Variants in WRAP73 observed in about 807,000 individuals in gnomAD.
WRAP73 encodes WD repeat-containing protein WRAP73.
WRAP73 carries 55 observed loss-of-function variants against 59.6 expected under a neutral mutation model. That is an observed-to-expected ratio of 0.92 (90% CI 0.74 to 1.15). The LOEUF (loss-of-function observed/expected upper bound fraction) is 1.15. Among genes scored for constraint, WRAP73 ranks in the 50% most tolerant of loss-of-function variants. WRAP73 has a pLI of 0.00. For synonymous variants in WRAP73, 265 were observed against 258.2 expected (o/e 1.03, Z -0.25); for missense variants, 592 against 608.1 (o/e 0.97, Z 0.28).
chr1:3,637,641 A>C (rs200812219), intron 4 of WRAP73, among the ~76,000 whole-genome samples: 3 of 152,300 alleles, frequency 2.0e-5, no homozygotes, highest in East Asian at 3.9e-4. Context: ...TAGGAATTTG[A>C]AAGGAGCCCA....
chr1:3,633,278 A>G (rs1570292719), intron 9 of WRAP73, 120 bp downstream of exon 9: 1 of 922,502 alleles, frequency 1.1e-6, no homozygotes. Context: ...CACTGGCTGG[A>G]AGCATGGAAG....
chr1:3,632,197 C>T lies in WRAP73; in HGVS notation c.1048+16G>A, dbSNP rs767515035. On this transcript the variant is annotated intron_variant, in intron 10 of 11. Transcript: ENST00000270708. ...ACAGTAAAGGGTGAGACAGCACCTG[C>T]GTCAGCACAACTGACCGTTCCTTGT... The T allele has an allele frequency of 6.2e-6, 10 of 1,607,022 alleles. No individual in the cohort carries two copies. The highest frequency in any genetic ancestry group is 2.2e-5 in the South Asian group (2 of 89,934).
At chr1:3,635,515 G>A in intron 6 of WRAP73, 1 of 620,816 alleles carries the variant, frequency 1.6e-6, no homozygotes, top group Non-Finnish European at 2.7e-6. Context: ...TCAACCTAAT[G>A]GCTCGCTGAT....
rs74048693 is a variant in WRAP73 at position 3,637,117 on chromosome 1, G to C, written c.413-19C>G. 7.4e-4 allele frequency: 1,178 copies of C among 1,589,972 alleles called. 11 individuals carry two copies. The African/African-American group carries it at 0.014, about 19-fold the overall frequency. On this transcript the variant is annotated intron_variant, in intron 4 of 11. Coordinates refer to ENST00000270708, the MANE Select transcript of WRAP73 (RefSeq NM_017818.4). ...GTGATTCCTGTGGGAAGAGGCAAAT[G>C]CACTGAAATCAAGCGGCCACAAAAT...
intron 11 of WRAP73, 131 bp from the exon 12 acceptor site, chr1:3,631,248 C>T: frequency 6.8e-7 from 1 of 1,465,372 alleles, no homozygotes; most frequent in Non-Finnish European, 9.3e-7. Flanking sequence ...GGTGGAGCCC[C>T]AGAGCTGCCT....
chr1:3,635,941 T>A lies in WRAP73; in HGVS notation c.603+3A>T, dbSNP rs1241941912. 1 of 1,613,434 alleles carries A rather than the reference T, an allele frequency of 6.2e-7. No individual in the cohort carries two copies. Among genetic ancestry groups the A allele is most frequent in the Non-Finnish European group, 8.5e-7 (1 of 1,179,658 alleles). ...CAAACATGTCACCTGGTCATCTTCATACCTCCAAGCAGGTGTCCCACACTG... is the reference window on the plus strand; with the variant it reads ...CAAACATGTCACCTGGTCATCTTCAAACCTCCAAGCAGGTGTCCCACACTG... On this transcript the variant is annotated splice_donor_region_variant and intron_variant, in intron 6 of 11. Coordinates refer to ENST00000270708, the MANE Select transcript of WRAP73 (RefSeq NM_017818.4).
Position 3,639,133 on chromosome 1 carries a change from C to A in WRAP73, c.340-311G>T. The A allele has an allele frequency of 3.2e-6, 1 of 313,472 alleles. No homozygotes were observed. Among genetic ancestry groups the A allele is most frequent in the South Asian group, 4.0e-5 (1 of 25,238 alleles). The allele number at this position is 313,472 out of a possible 1,614,324, so 19.4% of individuals were successfully genotyped here. A position where few individuals can be genotyped will look rare whatever the true frequency, so the allele number is the denominator to read the frequency against. ...CCATAGGTTGCATGTTATAATAACC[C>A]TGAGTTACTCAGAGAAAAATCTTGA... On this transcript the variant is annotated intron_variant, in intron 3 of 11. Coordinates refer to ENST00000270708, the MANE Select transcript of WRAP73 (RefSeq NM_017818.4). This position sits in a 1 kb window ranked among gnomAD's most constrained non-coding sequence, Gnocchi z 4.3.
chr1:3,632,270 T>A lies in WRAP73; in HGVS notation c.991A>T (p.Ile331Phe). ...KPVTDRANPK[I>F]GIGMLAFSPD... ...CTAAATGCCAGCATTCCTATGCCGA[T>A]TTTCGGGTTTGCTCTGTCGGTAACA... The change falls in exon 10 of 12, where the codon ATC becomes TTC. Residue 331 changes from isoleucine to phenylalanine, a missense_variant. Physicochemically the swap from Ile to Phe is conservative, Grantham distance 21 (BLOSUM62 0). Coordinates refer to ENST00000270708, the MANE Select transcript of WRAP73 (RefSeq NM_017818.4). 6.2e-7 allele frequency: 1 copy of A among 1,614,122 alleles called. No homozygotes were observed. The highest frequency in any genetic ancestry group is 8.5e-7 in the Non-Finnish European group (1 of 1,180,002).
In WRAP73 at chr1:3,650,030, G is replaced by A; in HGVS notation, c.-31C>T. ...CCGCCTGCCGCGGGCGCCACCCTGC[G>A]CCCGAAAACCCGCGGGACCCCTGGG... On this transcript the variant is annotated 5_prime_UTR_variant, in exon 1 of 12. Transcript: ENST00000270708. The A allele has an allele frequency of 6.4e-7, 1 of 1,573,676 alleles. No individual in the cohort carries two copies. Among genetic ancestry groups the A allele is most frequent in the Non-Finnish European group, 8.6e-7 (1 of 1,162,842 alleles).
At chr1:3,634,950 C>T in intron 8 of WRAP73, 47 bp downstream of exon 8, 1 of 1,603,868 alleles carries the variant, frequency 6.2e-7, no homozygotes. Context: ...TTTCCCACCG[C>T]CCTCCCCAAC....
intron 10 of WRAP73, 52 bp from the exon 11 acceptor site, chr1:3,631,709 G>A (rs780078548): frequency 2.9e-5 from 45 of 1,548,834 alleles, no homozygotes; most frequent in Non-Finnish European, 3.7e-5. Flanking sequence ...GCTCCTCTGT[G>A]TTGGCCCTGC....
chr1:3,632,751 A>G (rs568608635), intron 9 of WRAP73: 2 of 280,328 alleles, frequency 7.1e-6, no homozygotes, highest in East Asian at 1.1e-4. Flanking sequence ...AAGAACCATC[A>G]TCACAGCAGA....
chr1:3,638,088 C>T (rs75863907), intron 4 of WRAP73, among the ~76,000 whole-genome samples: 5,280 of 152,264 alleles, frequency 0.035, 301 homozygotes, highest in African/African-American at 0.12. Flanking sequence ...ATTTCCAAAC[C>T]GCTGGCAGCA....
At chr1:3,649,858 G>T in intron 1 of WRAP73, 73 bp downstream of exon 1, 1 of 1,505,218 alleles carries the variant, frequency 6.6e-7, no homozygotes, top group Non-Finnish European at 8.9e-7. Context: ...CCACGCGGCC[G>T]CCCCCGGCCC....
intron 11 of WRAP73, 83 bp downstream of exon 11, chr1:3,631,383 C>G: frequency 6.7e-7 from 1 of 1,491,464 alleles, no homozygotes; most frequent in Non-Finnish European, 9.1e-7. Context: ...GAGACAGCAG[C>G]TGGGCTTCAA....
chr1:3,632,016 C>G (rs1312153567), intron 10 of WRAP73, 197 bp downstream of exon 10: 5 of 1,462,276 alleles, frequency 3.4e-6, no homozygotes, highest in Admixed American at 2.6e-5. Flanking sequence ...CTGACTCATG[C>G]GCGGACCTGC....
Position 3,635,298 on chromosome 1 carries a change from C to T in WRAP73, c.604-4G>A, listed in dbSNP as rs1257430208. 1.2e-6 allele frequency: 2 copies of T among 1,613,584 alleles called. No homozygotes were observed. The highest frequency in any genetic ancestry group is 1.7e-6 in the Non-Finnish European group (2 of 1,179,960). On this transcript the variant is annotated splice_region_variant and splice_polypyrimidine_tract_variant and intron_variant, in intron 6 of 11. Coordinates refer to ENST00000270708, the MANE Select transcript of WRAP73 (RefSeq NM_017818.4). ...ATGAGTACAGCAGAATCTTGTACTG[C>T]AGATGAGACATTTCAGTTAATAATG...
Position 3,646,773 on chromosome 1 carries a change from A to G in WRAP73, c.232T>C (p.Leu78=). The change falls in exon 3 of 12, where the codon TTA becomes CTA. Residue 78 remains leucine, a synonymous_variant. Transcript: ENST00000270708. The surrounding 1 kb of genome is among the most constrained non-coding windows in gnomAD (Gnocchi z 5.1). ...YKRGLVQVWS[L]EQPEWHCKID... is the part of the protein sequence containing the mutation. ...TTGCAGTGCCATTCGGGCTGCTCTAAAGACCAGACCTGGATTGAGAGAAGA... is the reference window on the plus strand; with the variant it reads ...TTGCAGTGCCATTCGGGCTGCTCTAGAGACCAGACCTGGATTGAGAGAAGA... 6.2e-7 allele frequency: 1 copy of G among 1,612,352 alleles called. No homozygotes were observed. The highest frequency in any genetic ancestry group is 8.5e-7 in the Non-Finnish European group (1 of 1,179,278).
chr1:3,633,338 G>A (rs983798419), intron 9 of WRAP73, 60 bp downstream of exon 9: 6 of 1,477,046 alleles, frequency 4.1e-6, no homozygotes, highest in Non-Finnish European at 5.7e-6. Context: ...AAGTTTATCT[G>A]GACAACGAGG....
Sources: allele counts gnomAD v4.1 joint callset (sites outside exome capture counted in the v4.1 genomes callset), GRCh38; gene constraint gnomAD v4.1.1; non-coding constraint Gnocchi (gnomAD v3.1); transcripts MANE v1.5; gene names NCBI Gene and HGNC (gene_info 2026-07-23, HGNC 2026-07-21).